The following ELP4 variants were observed in gnomAD, a reference collection of about 807,000 sequenced individuals.
The protein encoded by ELP4 is elongator acetyltransferase complex subunit 4, also known as elongator complex protein 4.
Under a neutral mutation model 48.9 loss-of-function variants are expected in ELP4, and 51 were observed. The ratio of observed to expected loss-of-function variants is 1.04; its 90% CI spans 0.83 to 1.32. ELP4 has a LOEUF of 1.32. Among genes scored for constraint, ELP4 ranks in the 40% most tolerant of loss-of-function variants. The pLI, the probability that ELP4 is intolerant of heterozygous loss-of-function variation, is 0.00. For synonymous variants in ELP4, 210 were observed against 189.2 expected (o/e 1.11, Z -0.90); for missense variants, 519 against 514.6 (o/e 1.01, Z -0.08).
At chr11:31,781,973 T>C (rs185313279) in intron 9 of ELP4, among the ~76,000 whole-genome samples, 15 of 152,310 alleles carry the variant, frequency 9.8e-5, no homozygotes, top group Admixed American at 9.8e-4. Context: ...CTGGGTCCCA[T>C]GGATACTAAG....
chr11:31,662,530 T>A, intron 9 of ELP4: 1 of 397,710 alleles, frequency 2.5e-6, no homozygotes, highest in Non-Finnish European at 4.4e-6. Context: ...TCACAGTGCA[T>A]CACTAAGTTG....
At chr11:31,679,423 A>G (rs1946009726) in intron 9 of ELP4, among the ~76,000 whole-genome samples, 1 of 152,190 alleles carries the variant, frequency 6.6e-6, no homozygotes, top group South Asian at 2.1e-4. Flanking sequence ...GGAGGTCAGA[A>G]GTCTAAAATC....
chr11:31,690,960 A>G (rs1565113901), intron 9 of ELP4, among the ~76,000 whole-genome samples: 1 of 152,060 alleles, frequency 6.6e-6, no homozygotes, highest in African/African-American at 2.4e-5. Flanking sequence ...TAAGACTTCA[A>G]AAGCCTTAAC....
chr11:31,586,600 T>C (rs2133978994), intron 3 of ELP4, among the ~76,000 whole-genome samples: 1 of 152,214 alleles, frequency 6.6e-6, no homozygotes, highest in East Asian at 1.9e-4. Context: ...ACCACAGTGT[T>C]ACTCTAGTAT....
chr11:31,605,090 T>A (rs571363913), intron 5 of ELP4, among the ~76,000 whole-genome samples: 163 of 152,130 alleles, frequency 1.1e-3, no homozygotes, highest in Middle Eastern at 6.8e-3. Flanking sequence ...CTGTCAGATT[T>A]ATCTTTCTTT....
At chr11:31,604,189 A>G (rs1229093610) in intron 5 of ELP4, among the ~76,000 whole-genome samples, 1 of 151,818 alleles carries the variant, frequency 6.6e-6, no homozygotes, top group East Asian at 1.9e-4. Context: ...TTTTCAAGAA[A>G]ATGTAGAACA....
At chr11:31,767,661 A>G (rs1948068817) in intron 9 of ELP4, 1 of 152,132 alleles carries the variant, frequency 6.6e-6, no homozygotes, top group Non-Finnish European at 1.5e-5. Context: ...TCTGATCATC[A>G]GTATTTTTTT....
intron 7 of ELP4, chr11:31,634,080 A>G (rs1258006733): frequency 1.3e-5 from 2 of 152,038 alleles, no homozygotes; most frequent in Non-Finnish European, 2.9e-5. Context: ...AATATCCCAT[A>G]TCTGTTGTAC....
intron 5 of ELP4, among the ~76,000 whole-genome samples, chr11:31,608,060 A>C (rs369671892): frequency 2.0e-3 from 300 of 150,478 alleles, no homozygotes; most frequent in African/African-American, 7.0e-3. Flanking sequence ...TTTTTAGGGA[A>C]GCCTACAAAT....
At chr11:31,513,208 ATG>A (rs1341775411) in intron 1 of ELP4, among the ~76,000 whole-genome samples, 1 of 152,170 alleles carries the variant, frequency 6.6e-6, no homozygotes, top group Non-Finnish European at 1.5e-5. Flanking sequence ...TTTAAGAAAA[ATG>A]TATTTTTTAT....
intron 2 of ELP4, among the ~76,000 whole-genome samples, chr11:31,531,626 G>A (rs1199970890): frequency 2.0e-5 from 3 of 152,182 alleles, no homozygotes; most frequent in Non-Finnish European, 4.4e-5. Flanking sequence ...GCTATCCCTG[G>A]AATTTATGAA....
intron 4 of ELP4, among the ~76,000 whole-genome samples, chr11:31,603,172 C>T (rs1363805461): frequency 6.6e-6 from 1 of 151,744 alleles, no homozygotes; most frequent in Non-Finnish European, 1.5e-5. Flanking sequence ...TACATTCTTC[C>T]ACTTTATCAT....
intron 9 of ELP4, among the ~76,000 whole-genome samples, chr11:31,687,870 G>C (rs1946194602): frequency 6.6e-6 from 1 of 152,042 alleles, no homozygotes; most frequent in African/African-American, 2.4e-5. Flanking sequence ...AAAAGAATCA[G>C]GGTTACCCCC....
At chr11:31,665,039 C>T (rs1012747585) in intron 9 of ELP4, among the ~76,000 whole-genome samples, 4 of 151,982 alleles carry the variant, frequency 2.6e-5, no homozygotes, top group Non-Finnish European at 5.9e-5. Context: ...CAAATTTTGC[C>T]TCTGTATACC....
rs1299580351 is a variant in ELP4 at position 31,790,058 on chromosome 11, C to A, written c.*6534C>A. The A allele has an allele frequency of 1.3e-5, 11 of 848,404 alleles. No homozygotes were observed. The highest frequency in any genetic ancestry group is 1.9e-5 in the Non-Finnish European group (11 of 574,470). The allele number at this position is 848,404 out of a possible 1,614,324, so 52.6% of individuals were successfully genotyped here. A position where few individuals can be genotyped will look rare whatever the true frequency, so the allele number is the denominator to read the frequency against. On this transcript the variant is annotated 3_prime_UTR_variant, in exon 10 of 10. Coordinates refer to ENST00000640961, the MANE Select transcript of ELP4 (RefSeq NM_019040.5). ...AAAGAAATAGCCATGTAGATATTCC[C>A]TTTGAGAAACAGACATGGAATACAA...
At chr11:31,771,412 T>C (rs543939249) in intron 9 of ELP4, among the ~76,000 whole-genome samples, 55 of 152,284 alleles carry the variant, frequency 3.6e-4, no homozygotes, top group Non-Finnish European at 6.8e-4. Flanking sequence ...CTGGTATTCA[T>C]AGAAATAAGC....
intron 5 of ELP4, among the ~76,000 whole-genome samples, chr11:31,608,180 G>T (rs560460774): frequency 6.6e-6 from 1 of 152,132 alleles, no homozygotes; most frequent in East Asian, 1.9e-4. Context: ...GGGTATAATG[G>T]AATGGTAAAG....
intron 3 of ELP4, among the ~76,000 whole-genome samples, chr11:31,544,658 C>A (rs1232383311): frequency 6.6e-6 from 1 of 152,206 alleles, no homozygotes; most frequent in East Asian, 1.9e-4. Context: ...GAGGTTCTCC[C>A]AGCGCGCAGC....
chr11:31,519,971 G>A (rs1307281326), intron 1 of ELP4, 85 bp from the exon 2 acceptor site: 23 of 1,275,292 alleles, frequency 1.8e-5, no homozygotes, highest in Non-Finnish European at 2.5e-5. Flanking sequence ...TTATTGAAGT[G>A]CCTTTCCTTC....
Sources: allele counts gnomAD v4.1 joint callset (sites outside exome capture counted in the v4.1 genomes callset), GRCh38; gene constraint gnomAD v4.1.1; transcripts MANE v1.5; gene names NCBI Gene and HGNC (gene_info 2026-07-23, HGNC 2026-07-21).